Variants in EFCAB13 observed in about 807,000 individuals in gnomAD.
EFCAB13 encodes the protein EF-hand calcium-binding domain-containing protein 13.
Under a neutral mutation model 110.2 loss-of-function variants are expected in EFCAB13, and 91 were observed. That is an observed-to-expected ratio of 0.83 (90% CI 0.70 to 0.98). The LOEUF is 0.98. EFCAB13 is among the 50% of genes least tolerant of loss of function. The pLI, the probability that EFCAB13 is intolerant of heterozygous loss-of-function variation, is 0.00. For missense variants in EFCAB13, 968 were observed against 1,119.4 expected (o/e 0.86, Z 1.93); for synonymous variants, 323 against 369.9 (o/e 0.87, Z 1.45).
At chr17:47,415,932 C>A (rs1485660412) in intron 23 of EFCAB13, among the ~76,000 whole-genome samples, 3 of 152,054 alleles carry the variant, frequency 2.0e-5, no homozygotes, top group Admixed American at 6.6e-5. Context: ...TCAACACCAA[C>A]ATATTTTCCT....
chr17:47,342,715 C>G (rs549127231), intron 6 of EFCAB13, among the ~76,000 whole-genome samples: 1 of 152,074 alleles, frequency 6.6e-6, no homozygotes, highest in Non-Finnish European at 1.5e-5. Flanking sequence ...TCCCCTCTTT[C>G]AATCTCTTTA....
intron 16 of EFCAB13, among the ~76,000 whole-genome samples, chr17:47,394,562 T>C (rs1467719691): frequency 6.6e-6 from 1 of 152,184 alleles, no homozygotes; most frequent in African/African-American, 2.4e-5. Context: ...TGTGGTAATA[T>C]GGAAAAGATA....
chr17:47,420,367 A>AC (rs1904611522), intron 23 of EFCAB13, among the ~76,000 whole-genome samples: 1 of 152,186 alleles, frequency 6.6e-6, no homozygotes, highest in African/African-American at 2.4e-5. Flanking sequence ...CCCAGCCGCC[A>AC]CCCCATCTGG....
At chr17:47,369,193 A>G (rs984562450) in intron 10 of EFCAB13, among the ~76,000 whole-genome samples, 1 of 152,210 alleles carries the variant, frequency 6.6e-6, no homozygotes, top group Non-Finnish European at 1.5e-5. Flanking sequence ...CTCCTGGATG[A>G]CTGAAGTTTA....
chr17:47,423,194 A>G (rs1161232929), intron 23 of EFCAB13, among the ~76,000 whole-genome samples: 1 of 152,150 alleles, frequency 6.6e-6, no homozygotes, highest in Non-Finnish European at 1.5e-5. Context: ...ATTAGATGAC[A>G]TTATTACATT....
In EFCAB13 at chr17:47,335,734, G is replaced by A. The variant is rs189506365; in HGVS notation, c.191+378G>A. ...ATGGTGGAAGGGGAAGGGGGAGCAAGCATATCTTCACAAGGCCAGCAGGAG... is the reference window on the plus strand; with the variant it reads ...ATGGTGGAAGGGGAAGGGGGAGCAAACATATCTTCACAAGGCCAGCAGGAG... On this transcript the variant is annotated intron_variant, in intron 5 of 24. Coordinates refer to ENST00000331493, the MANE Select transcript of EFCAB13 (RefSeq NM_152347.5). Among the ~76,000 whole-genome samples the A allele has an allele frequency of 1.2e-4, 19 of 152,292 alleles. No homozygotes were observed. In the East Asian group the frequency reaches 3.3e-3, roughly 26 times the overall value.
chr17:47,375,918 T>C (rs2065612942), intron 12 of EFCAB13, among the ~76,000 whole-genome samples: 1 of 152,140 alleles, frequency 6.6e-6, no homozygotes, highest in Non-Finnish European at 1.5e-5. Flanking sequence ...TAATACTATA[T>C]ATCTAGGGCT....
At position 47,379,219 on chromosome 17, in the gene EFCAB13, T is replaced by G; in HGVS notation, c.1548T>G (p.Ala516=). 1.2e-6 allele frequency: 2 copies of G among 1,613,594 alleles called. No individual in the cohort carries two copies. Among genetic ancestry groups the G allele is most frequent in the Non-Finnish European group, 1.7e-6 (2 of 1,179,668 alleles). ...TGGAGTTAGATGACTTTGTAAATGC[T>G]CTCGCCAAGGAGCGAAGTTTTCCTG... The part of the protein sequence containing the change: ...GMVELDDFVN[A]LAKERSFPEC... Residue 516 remains alanine, a synonymous_variant, in exon 14 of 25, where the codon GCT becomes GCG. Transcript: ENST00000331493.
chr17:47,420,777 G>T (rs575160893), intron 23 of EFCAB13, among the ~76,000 whole-genome samples: 26 of 152,340 alleles, frequency 1.7e-4, no homozygotes, highest in South Asian at 2.1e-4. Context: ...GAAGTGAGGA[G>T]CGTCTCCGCC....
At chr17:47,325,787 T>TC (rs1223974877) in intron 2 of EFCAB13, among the ~76,000 whole-genome samples, 2 of 150,946 alleles carry the variant, frequency 1.3e-5, no homozygotes, top group Non-Finnish European at 3.0e-5. Context: ...CATTTCATAT[T>TC]CCCCTCCCTG....
intron 24 of EFCAB13, among the ~76,000 whole-genome samples, chr17:47,438,628 G>A (rs928699197): frequency 1.3e-5 from 2 of 151,586 alleles, no homozygotes; most frequent in Non-Finnish European, 2.9e-5. Context: ...TTCTAAAAGC[G>A]TGTCCAAAAT....
In EFCAB13 at chr17:47,403,678, C is replaced by T. The variant is rs542701844; in HGVS notation, c.2018-200C>T. 2.6e-5 allele frequency among the ~76,000 whole-genome samples: 4 copies of T among 152,042 alleles called. No homozygotes were observed. In the South Asian group the frequency reaches 6.2e-4, roughly 24 times the overall value. On this transcript the variant is annotated intron_variant, in intron 18 of 24. Coordinates refer to ENST00000331493, the MANE Select transcript of EFCAB13 (RefSeq NM_152347.5). ...ATTTTGGTTGTGCAAATTTTATAAA[C>T]GCACCAGAGAAACGTGATAGATCAA...
In EFCAB13 at chr17:47,379,198, G is replaced by A. The variant is rs201123614; in HGVS notation, c.1527G>A (p.Glu509=). Residue 509 remains glutamate, a synonymous_variant, in exon 14 of 25, where the codon GAG becomes GAA. Transcript: ENST00000331493. ...TAAAAACAGAGAATGGAATGGTGGA[G>A]TTAGATGACTTTGTAAATGCTCTCG... The part of the protein sequence containing the change: ...DTSRNENGMV[E]LDDFVNALAK... The A allele has an allele frequency of 1.2e-5, 19 of 1,613,274 alleles. No individual in the cohort carries two copies. In the African/African-American group the frequency reaches 1.9e-4, roughly 16 times the overall value.
chr17:47,415,114 A>G, intron 23 of EFCAB13, 195 bp downstream of exon 23: 1 of 363,608 alleles, frequency 2.8e-6, no homozygotes, highest in African/African-American at 2.2e-5. Flanking sequence ...GGAAATTATC[A>G]TTCTCAGTAA....
intron 17 of EFCAB13, among the ~76,000 whole-genome samples, chr17:47,396,264 A>C (rs1378071817): frequency 6.6e-6 from 1 of 152,152 alleles, no homozygotes; most frequent in Non-Finnish European, 1.5e-5. Context: ...CCCAATGAAC[A>C]CAGAGGGCAT....
intron 11 of EFCAB13, among the ~76,000 whole-genome samples, chr17:47,373,054 A>G (rs187148787): frequency 1.4e-3 from 219 of 151,720 alleles, no homozygotes; most frequent in African/African-American, 5.2e-3. Context: ...TAACTTGACT[A>G]TTTTCTCTTT....
intron 10 of EFCAB13, among the ~76,000 whole-genome samples, chr17:47,362,987 CTT>C (rs1169327691): frequency 6.6e-6 from 1 of 152,154 alleles, no homozygotes; most frequent in Non-Finnish European, 1.5e-5. Context: ...TCTTTTATCT[CTT>C]TGTCTTGTGT....
At chr17:47,327,442 T>C (rs1296444059) in intron 3 of EFCAB13, among the ~76,000 whole-genome samples, 1 of 151,628 alleles carries the variant, frequency 6.6e-6, no homozygotes, top group African/African-American at 2.4e-5. Flanking sequence ...GGATTACAGA[T>C]GTGAGTCACC....
intron 14 of EFCAB13, among the ~76,000 whole-genome samples, chr17:47,381,090 G>A (rs1315267228): frequency 6.6e-6 from 1 of 151,894 alleles, no homozygotes; most frequent in Non-Finnish European, 1.5e-5. Context: ...CACCATGTTT[G>A]CCAGGATGGT....
Sources: gnomAD v4.1 joint callset for allele counts (sites outside exome capture counted in the v4.1 genomes callset) on GRCh38, gnomAD v4.1.1 for gene constraint, MANE v1.5 for transcripts, NCBI Gene and HGNC (gene_info 2026-07-23, HGNC 2026-07-21) for gene names.